NT5DC3: variants seen among roughly 807,000 people sequenced by gnomAD.
NT5DC3 encodes 5'-nucleotidase domain-containing protein 3.
In NT5DC3, 42 loss-of-function variants were observed where a neutral mutation model predicts 67.8. That is an observed-to-expected ratio of 0.62 (90% CI 0.48 to 0.80). The LOEUF (loss-of-function observed/expected upper bound fraction) is 0.80. Among genes scored for constraint, NT5DC3 ranks in the 30% least tolerant of loss-of-function variants. NT5DC3 has a pLI of 0.00. For synonymous variants in NT5DC3, 237 were observed against 255.6 expected, an observed-to-expected ratio of 0.93 and a Z score of 0.69; for missense variants, 570 against 696.4, an observed-to-expected ratio of 0.82 and a Z score of 2.04.
At position 103,773,563 on chromosome 12, in the gene NT5DC3, C is replaced by T. The variant is rs984179639; in HGVS notation, c.*4266G>A. ...AAGGCAAAAAAGAAAGAAAGAAAAACCTGGTACAAAAGAAAGTCGATATTA... is the reference window on the plus strand; with the variant it reads ...AAGGCAAAAAAGAAAGAAAGAAAAATCTGGTACAAAAGAAAGTCGATATTA... On this transcript the variant is annotated 3_prime_UTR_variant, in exon 14 of 14. Transcript: ENST00000392876. 7.2e-5 allele frequency: 11 copies of T among 152,130 alleles called. No individual in the cohort carries two copies. In the East Asian group the frequency reaches 1.7e-3, roughly 24 times the overall value. The allele number at this position is 152,130 out of a possible 1,614,324, so 9.4% of individuals were successfully genotyped here.
intron 1 of NT5DC3, among the ~76,000 whole-genome samples, chr12:103,830,359 A>G (rs939681242): frequency 6.6e-6 from 1 of 152,086 alleles, no homozygotes; most frequent in African/African-American, 2.4e-5. Context: ...TGTATATATT[A>G]CTTCTTATTC....
At chr12:103,813,342 C>T (rs1887113371) in intron 2 of NT5DC3, among the ~76,000 whole-genome samples, 1 of 152,212 alleles carries the variant, frequency 6.6e-6, no homozygotes, top group Non-Finnish European at 1.5e-5. Flanking sequence ...GTCCCTTGAA[C>T]AAACGAGACC....
chr12:103,787,584 A>C, intron 10 of NT5DC3, 57 bp from the exon 11 acceptor site: 1 of 977,584 alleles, frequency 1.0e-6, no homozygotes, highest in Non-Finnish European at 1.5e-6. Context: ...TGTCTAACCC[A>C]CAGTACAAAA....
At position 103,775,265 on chromosome 12, in the gene NT5DC3, T is replaced by C. The variant is rs1218272412; in HGVS notation, c.*2564A>G. The C allele has an allele frequency of 2.0e-5, 3 of 151,898 alleles. No individual in the cohort carries two copies. The highest frequency in any genetic ancestry group is 4.4e-5 in the Non-Finnish European group (3 of 68,010). The allele number at this position is 151,898 out of a possible 1,614,324, so 9.4% of individuals were successfully genotyped here. A position where few individuals can be genotyped will look rare whatever the true frequency, so the allele number is the denominator to read the frequency against. On this transcript the variant is annotated 3_prime_UTR_variant, in exon 14 of 14. Transcript: ENST00000392876. The stretch of plus-strand genomic sequence containing the variant: ...AAGCTCAATGGCCCAGAGACTGAAA[T>C]TCTTCTAACTGGGAATTGATTACAA...
At chr12:103,766,030 T>C (rs989109821), downstream of NT5DC3, 4 of 639,378 alleles carry the variant, frequency 6.3e-6, no homozygotes, top group Admixed American at 4.2e-5. Flanking sequence ...CCTTTGTAGA[T>C]GAAGAAACTG....
At chr12:103,754,675 C>T in the NT5DC3 span, among the ~76,000 whole-genome samples, 2 of 152,002 alleles carry the variant, frequency 1.3e-5, no homozygotes, top group Non-Finnish European at 2.9e-5. Flanking sequence ...CTAGGCCAGG[C>T]GTGGTGACTC....
chr12:103,796,490 C>A (rs1269788460), intron 6 of NT5DC3, among the ~76,000 whole-genome samples: 1 of 151,958 alleles, frequency 6.6e-6, no homozygotes, highest in Non-Finnish European at 1.5e-5. Context: ...CACGCCACTG[C>A]ACTCCAGCCT....
intron 1 of NT5DC3, among the ~76,000 whole-genome samples, chr12:103,829,843 T>C (rs980161336): frequency 3.3e-5 from 5 of 152,106 alleles, no homozygotes; most frequent in African/African-American, 1.2e-4. Context: ...AAGTTCCTCC[T>C]TTAGTGAGTT....
At chr12:103,758,573 C>T in the NT5DC3 span, among the ~76,000 whole-genome samples, 7 of 152,298 alleles carry the variant, frequency 4.6e-5, no homozygotes, top group South Asian at 8.3e-4. Context: ...GTGAGAGAGG[C>T]GAGAGTAGGC....
chr12:103,812,116 G>A (rs1426045746), intron 2 of NT5DC3, among the ~76,000 whole-genome samples: 1 of 151,856 alleles, frequency 6.6e-6, no homozygotes, highest in East Asian at 1.9e-4. Context: ...TTCCATTTTT[G>A]TAAAAATTGC....
chr12:103,790,263 C>T (rs1159693676), intron 9 of NT5DC3, among the ~76,000 whole-genome samples: 1 of 151,664 alleles, frequency 6.6e-6, no homozygotes, highest in Non-Finnish European at 1.5e-5. Flanking sequence ...CACTGCCATA[C>T]CTAGTTTATT....
intron 1 of NT5DC3, among the ~76,000 whole-genome samples, chr12:103,834,045 G>A (rs1217369290): frequency 6.6e-6 from 1 of 152,050 alleles, no homozygotes; most frequent in African/African-American, 2.4e-5. Flanking sequence ...ATTGCCCTGT[G>A]CACTGTAGGA....
intron 1 of NT5DC3, among the ~76,000 whole-genome samples, chr12:103,827,567 T>G (rs548881271): frequency 1.3e-5 from 2 of 152,266 alleles, no homozygotes; most frequent in Admixed American, 1.3e-4. Context: ...ATGCAGAGAG[T>G]TGCATCTCTA....
At position 103,812,236 on chromosome 12, in the gene NT5DC3, G is replaced by A. The variant is rs551014590; in HGVS notation, c.393+2701C>T. On this transcript the variant is annotated intron_variant, in intron 2 of 13. Coordinates refer to ENST00000392876, the MANE Select transcript of NT5DC3 (RefSeq NM_001031701.3). The stretch of plus-strand genomic sequence containing the variant: ...TTCTATGACTGTGCGTCTCAAAAGC[G>A]ATGTCTTTCCATTTCTACAACTACA... Among the ~76,000 whole-genome samples, 25 of 152,282 alleles carry A rather than the reference G, an allele frequency of 1.6e-4. 1 individual carries two copies. Among genetic ancestry groups the A allele is most frequent in the African/African-American group, 5.1e-4 (21 of 41,568 alleles).
At chr12:103,749,156 G>A in the NT5DC3 span, 14 of 1,592,336 alleles carry the variant, frequency 8.8e-6, no homozygotes, top group Admixed American at 1.7e-5. Context: ...TGACAGGCCC[G>A]GTGAGTCGCT....
intron 1 of NT5DC3, among the ~76,000 whole-genome samples, chr12:103,833,540 C>T (rs1378177115): frequency 1.3e-5 from 2 of 152,028 alleles, no homozygotes; most frequent in Non-Finnish European, 2.9e-5. Flanking sequence ...CTAAATACAG[C>T]ACATAATTTT....
At chr12:103,747,971 G>A in the NT5DC3 span, among the ~76,000 whole-genome samples, 1 of 146,742 alleles carries the variant, frequency 6.8e-6, no homozygotes, top group Non-Finnish European at 1.5e-5. Context: ...CTCTAGCCTG[G>A]GCAACAGAAC....
chr12:103,796,273 T>C (rs976131786), intron 6 of NT5DC3, among the ~76,000 whole-genome samples: 5 of 151,720 alleles, frequency 3.3e-5, no homozygotes, highest in Admixed American at 3.3e-4. Context: ...TCCCAGTACT[T>C]TGGGAGGCTG....
chr12:103,772,432 CCTGATATCATACAGGCACAAT>C lies in NT5DC3; in HGVS notation c.*5376_*5396del, dbSNP rs1885207976. The C allele has an allele frequency of 6.6e-6, 1 of 152,402 alleles. No individual in the cohort carries two copies. Among genetic ancestry groups the C allele is most frequent in the South Asian group, 2.1e-4 (1 of 4,830 alleles). The allele number at this position is 152,402 out of a possible 1,614,324, so 9.4% of individuals were successfully genotyped here. On this transcript the variant is annotated 3_prime_UTR_variant, in exon 14 of 14. Coordinates refer to ENST00000392876, the MANE Select transcript of NT5DC3 (RefSeq NM_001031701.3). ...GTCTGCCTAATTTGCATTAATTGTG[CCTGATATCATACAGGCACAAT>C]CTGTCATTCCACGAGATAACTGGAA... is the stretch of plus-strand genomic sequence containing the variant.
Sources: allele counts gnomAD v4.1 joint callset (sites outside exome capture counted in the v4.1 genomes callset), GRCh38; gene constraint gnomAD v4.1.1; transcripts MANE v1.5; gene names NCBI Gene and HGNC (gene_info 2026-07-23, HGNC 2026-07-21).